The following CDYL variants were observed in gnomAD, a reference collection of about 807,000 sequenced individuals.
The protein encoded by CDYL is chromodomain Y like, also known as chromodomain Y-like protein.
In CDYL, 8 loss-of-function variants were observed where a neutral mutation model predicts 47.3. That is an observed-to-expected ratio of 0.17 (90% CI 0.10 to 0.31). The LOEUF (loss-of-function observed/expected upper bound fraction) is 0.31. Among genes scored for constraint, CDYL ranks in the 10% least tolerant of loss-of-function variants. The pLI, the probability that CDYL is intolerant of heterozygous loss-of-function variation, is 1.00. For synonymous variants in CDYL, 266 were observed against 265.0 expected (o/e 1.00, Z -0.04); for missense variants, 471 against 701.4 (o/e 0.67, Z 3.71).
chr6:4,756,861 T>G (rs1444086376), intron 3 of CDYL, among the ~76,000 whole-genome samples: 1 of 152,218 alleles, frequency 6.6e-6, no homozygotes, highest in Non-Finnish European at 1.5e-5. Flanking sequence ...AGTTCAAATT[T>G]TTTAATAATA....
intron 1 of CDYL, among the ~76,000 whole-genome samples, chr6:4,829,381 T>C (rs1402585490): frequency 6.6e-6 from 1 of 152,192 alleles, no homozygotes; most frequent in Non-Finnish European, 1.5e-5. Context: ...AGAGATTTCT[T>C]TGGAAGCCTG....
intron 3 of CDYL, among the ~76,000 whole-genome samples, chr6:4,756,947 C>G (rs949357175): frequency 3.3e-5 from 5 of 152,118 alleles, no homozygotes; most frequent in Admixed American, 3.3e-4. Context: ...CAATCCCTGC[C>G]ATCCATGTAT....
chr6:4,895,154 CATACAT>C (rs1762190604), intron 2 of CDYL, among the ~76,000 whole-genome samples: 1 of 97,044 alleles, frequency 1.0e-5, no homozygotes, highest in Non-Finnish European at 2.4e-5. Context: ...TATCTATACA[CATACAT>C]GTACATATGT....
intron 2 of CDYL, among the ~76,000 whole-genome samples, chr6:4,899,556 G>T (rs1028570292): frequency 6.6e-6 from 1 of 152,162 alleles, no homozygotes; most frequent in South Asian, 2.1e-4. Context: ...TGTTTAGTAA[G>T]GTCTGTTGAT....
At chr6:4,871,693 T>C (rs1761479166) in intron 1 of CDYL, among the ~76,000 whole-genome samples, 1 of 152,162 alleles carries the variant, frequency 6.6e-6, no homozygotes, top group Non-Finnish European at 1.5e-5. Context: ...TTGTAAAATT[T>C]ATATTTGGCC....
intron 1 of CDYL, among the ~76,000 whole-genome samples, chr6:4,840,939 T>A (rs1760471246): frequency 6.6e-6 from 1 of 152,204 alleles, no homozygotes; most frequent in Non-Finnish European, 1.5e-5. Flanking sequence ...TAGAATGATT[T>A]AGGAAGGATT....
intron 1 of CDYL, among the ~76,000 whole-genome samples, chr6:4,792,415 A>G (rs1294285676): frequency 2.0e-5 from 3 of 151,200 alleles, no homozygotes; most frequent in Non-Finnish European, 4.4e-5. Flanking sequence ...ATGTAGTCAA[A>G]TTTTTATTTA....
intron 2 of CDYL, among the ~76,000 whole-genome samples, chr6:4,898,061 CA>C (rs548150869): frequency 1.1e-4 from 16 of 147,382 alleles, no homozygotes; most frequent in East Asian, 2.0e-4. Context: ...GCGTCTCCAC[CA>C]AAAAAAAAAT....
At chr6:4,840,849 G>T (rs1419314319) in intron 1 of CDYL, among the ~76,000 whole-genome samples, 1 of 151,716 alleles carries the variant, frequency 6.6e-6, no homozygotes, top group Non-Finnish European at 1.5e-5. Flanking sequence ...TTTTTGTTTT[G>T]TTATGTTTTT....
At chr6:4,845,870 G>T (rs1375244845) in intron 1 of CDYL, among the ~76,000 whole-genome samples, 2 of 152,128 alleles carry the variant, frequency 1.3e-5, no homozygotes, top group African/African-American at 4.8e-5. Context: ...AGACCAATTT[G>T]TTGACCCTTG....
At chr6:4,789,366 G>T (rs930988704) in intron 1 of CDYL, among the ~76,000 whole-genome samples, 2 of 152,134 alleles carry the variant, frequency 1.3e-5, no homozygotes, top group East Asian at 1.9e-4. Flanking sequence ...GACCTGCCGC[G>T]CCTGGCTGCT....
intron 1 of CDYL, among the ~76,000 whole-genome samples, chr6:4,831,837 A>T (rs901231260): frequency 6.6e-6 from 1 of 152,180 alleles, no homozygotes; most frequent in Non-Finnish European, 1.5e-5. Flanking sequence ...CTTTGTAGCA[A>T]TTGTGAATGG....
chr6:4,868,252 T>A (rs907278130), intron 1 of CDYL, among the ~76,000 whole-genome samples: 1 of 151,986 alleles, frequency 6.6e-6, no homozygotes, highest in African/African-American at 2.4e-5. Context: ...ACTACAATTT[T>A]CTCTAAGCAC....
At chr6:4,785,906 T>C (rs1055511962) in intron 1 of CDYL, among the ~76,000 whole-genome samples, 2 of 152,222 alleles carry the variant, frequency 1.3e-5, no homozygotes, top group Non-Finnish European at 2.9e-5. Flanking sequence ...GCACTCCAAG[T>C]CTTGAGGTGA....
chr6:4,786,069 T>C (rs78177610), intron 1 of CDYL, among the ~76,000 whole-genome samples: 5,368 of 152,326 alleles, frequency 0.035, 161 homozygotes, highest in South Asian at 0.13. Context: ...ACTTTTATGG[T>C]AAACTTAAAC....
chr6:4,768,570 CAATT>C (rs894519095), intron 3 of CDYL, among the ~76,000 whole-genome samples: 3 of 152,060 alleles, frequency 2.0e-5, no homozygotes, highest in Non-Finnish European at 4.4e-5. Context: ...CCATGAGTCT[CAATT>C]GATATAAAAA....
In CDYL at chr6:4,845,974, A is replaced by G. The variant is rs1055192827; in HGVS notation, c.25-45739A>G. Among the ~76,000 whole-genome samples the G allele has an allele frequency of 2.0e-4, 31 of 152,178 alleles. 1 individual carries two copies. Among genetic ancestry groups the G allele is most frequent in the African/African-American group, 7.0e-4 (29 of 41,446 alleles). On this transcript the variant is annotated intron_variant, in intron 1 of 6. Coordinates refer to ENST00000397588, the MANE Select transcript of CDYL (RefSeq NM_004824.4). ...TCTAATTGCCTGTAAAGTTCTTCCA[A>G]GCTAAAGGAGCCAATATTTAACTGC...
intron 3 of CDYL, among the ~76,000 whole-genome samples, chr6:4,765,322 C>CAA (rs921005233): frequency 6.0e-5 from 8 of 133,834 alleles, no homozygotes; most frequent in African/African-American, 2.2e-4. Flanking sequence ...GACTTCGTCT[C>CAA]AAAAAAAAAA....
chr6:4,838,568 G>A (rs549986649), intron 1 of CDYL, among the ~76,000 whole-genome samples: 1 of 152,214 alleles, frequency 6.6e-6, no homozygotes, highest in South Asian at 2.1e-4. Context: ...GTATTTGGCT[G>A]GTTCCATGTT....
Sources: gnomAD v4.1 joint callset for allele counts (sites outside exome capture counted in the v4.1 genomes callset) on GRCh38, gnomAD v4.1.1 for gene constraint, MANE v1.5 for transcripts, NCBI Gene and HGNC (gene_info 2026-07-23, HGNC 2026-07-21) for gene names.